GPC6: variants seen among roughly 807,000 people sequenced by gnomAD.
GPC6 encodes the protein glypican-6.
A neutral mutation model predicts 55.2 loss-of-function variants in GPC6; 14 were observed. The ratio of observed to expected loss-of-function variants is 0.25; its 90% CI spans 0.17 to 0.40. The LOEUF (loss-of-function observed/expected upper bound fraction) is 0.40. Ranked by LOEUF, GPC6 falls within the 10% of genes least tolerant of loss-of-function variation. The pLI is 1.00. For synonymous variants in GPC6, 278 were observed against 259.6 expected (o/e 1.07, Z -0.68); for missense variants, 641 against 708.5 (o/e 0.90, Z 1.08).
intron 3 of GPC6, among the ~76,000 whole-genome samples, chr13:93,933,941 G>A (rs1878303274): frequency 6.6e-6 from 1 of 152,170 alleles, no homozygotes; most frequent in African/African-American, 2.4e-5. Flanking sequence ...TCAGAAAAGG[G>A]TTTTCAAGGA....
intron 2 of GPC6, among the ~76,000 whole-genome samples, chr13:93,794,137 C>T (rs1458657242): frequency 6.6e-6 from 1 of 152,202 alleles, no homozygotes; most frequent in Non-Finnish European, 1.5e-5. Flanking sequence ...TTTCCACATT[C>T]ATTTCCAACT....
intron 4 of GPC6, among the ~76,000 whole-genome samples, chr13:94,228,443 G>GA: frequency 6.6e-6 from 1 of 152,182 alleles, no homozygotes; most frequent in East Asian, 1.9e-4. Context: ...GACCTCATCT[G>GA]AAAAATAACT....
At chr13:94,154,377 T>A (rs145002957) in intron 4 of GPC6, 1 of 152,308 alleles carries the variant, frequency 6.6e-6, no homozygotes, top group African/African-American at 2.4e-5. Flanking sequence ...CCTTCACATT[T>A]ACATGGCAAA....
intron 2 of GPC6, among the ~76,000 whole-genome samples, chr13:93,797,100 T>C (rs1029293987): frequency 1.3e-5 from 1 of 74,524 alleles, no homozygotes; most frequent in Non-Finnish European, 2.8e-5. Context: ...TTTCTGTTAA[T>C]CTGGGCATTA....
intron 4 of GPC6, among the ~76,000 whole-genome samples, chr13:94,149,006 A>G (rs1887650021): frequency 6.6e-6 from 1 of 152,150 alleles, no homozygotes; most frequent in Non-Finnish European, 1.5e-5. Flanking sequence ...ACTACTTCTA[A>G]CCATTCAGTT....
intron 1 of GPC6, among the ~76,000 whole-genome samples, chr13:93,304,529 A>G (rs911902869): frequency 6.6e-6 from 1 of 152,168 alleles, no homozygotes. Flanking sequence ...GTGGCTCCAT[A>G]TGTAGACTTC....
chr13:93,446,996 G>A (rs529706751), intron 1 of GPC6, among the ~76,000 whole-genome samples: 1 of 152,028 alleles, frequency 6.6e-6, no homozygotes, highest in East Asian at 1.9e-4. Flanking sequence ...GCTGTGTCAG[G>A]TTCTCTGGTT....
At chr13:93,747,240 C>T (rs1884426807) in intron 2 of GPC6, among the ~76,000 whole-genome samples, 2 of 152,158 alleles carry the variant, frequency 1.3e-5, no homozygotes, top group South Asian at 4.1e-4. Flanking sequence ...GCCTTTGCCA[C>T]TATCAGCAGT....
intron 6 of GPC6, among the ~76,000 whole-genome samples, chr13:94,368,580 T>C (rs1879390775): frequency 1.3e-5 from 2 of 152,116 alleles, no homozygotes; most frequent in Admixed American, 1.3e-4. Context: ...AAAGCCATTA[T>C]CAGAAGATAT....
At chr13:93,525,382 C>T (rs1344025003) in intron 1 of GPC6, among the ~76,000 whole-genome samples, 1 of 151,956 alleles carries the variant, frequency 6.6e-6, no homozygotes, top group Non-Finnish European at 1.5e-5. Flanking sequence ...ACCCAATTGT[C>T]TAAGAGCATG....
At chr13:93,419,850 A>G (rs1399602037) in intron 1 of GPC6, among the ~76,000 whole-genome samples, 5 of 152,162 alleles carry the variant, frequency 3.3e-5, no homozygotes, top group Admixed American at 1.3e-4. Flanking sequence ...TTAAATATAA[A>G]TACAAGCAGA....
intron 6 of GPC6, among the ~76,000 whole-genome samples, chr13:94,356,532 G>T (rs937043674): frequency 6.6e-6 from 1 of 152,206 alleles, no homozygotes; most frequent in African/African-American, 2.4e-5. Context: ...GATGTTTGAT[G>T]AATGAACAAA....
intron 1 of GPC6, among the ~76,000 whole-genome samples, chr13:93,333,118 T>A (rs1314391059): frequency 6.6e-6 from 1 of 152,228 alleles, no homozygotes; most frequent in African/African-American, 2.4e-5. Context: ...GTAGTATATT[T>A]CGAATTCAGG....
Position 94,212,521 on chromosome 13 carries a change from G to A in GPC6, c.878-73828G>A, listed in dbSNP as rs1890110459. Among the ~76,000 whole-genome samples the A allele has an allele frequency of 2.0e-5, 3 of 152,272 alleles. No individual in the cohort carries two copies. In the South Asian group the frequency reaches 6.2e-4, roughly 32 times the overall value. ...ATTACCTAAAGGACATGGAATCACT[G>A]GGGGCATGTAACATTTAAAATTATT... On this transcript the variant is annotated intron_variant, in intron 4 of 8. Transcript: ENST00000377047.
chr13:94,379,934 C>A (rs756852348), intron 6 of GPC6, among the ~76,000 whole-genome samples: 1 of 152,128 alleles, frequency 6.6e-6, no homozygotes, highest in Non-Finnish European at 1.5e-5. Context: ...GAGGGCATAG[C>A]GCAGCGCAGA....
intron 5 of GPC6, among the ~76,000 whole-genome samples, chr13:94,295,323 G>A (rs1459345268): frequency 2.0e-5 from 3 of 152,082 alleles, no homozygotes; most frequent in African/African-American, 7.2e-5. Context: ...CACTCCCAAA[G>A]GCTAAGCATT....
chr13:94,185,663 G>C (rs1047824959), intron 4 of GPC6, among the ~76,000 whole-genome samples: 13 of 152,062 alleles, frequency 8.5e-5, no homozygotes, highest in Non-Finnish European at 1.8e-4. Context: ...CAGTCTATGA[G>C]GAGGTCTTCT....
chr13:94,256,596 A>G (rs941208197), intron 4 of GPC6, among the ~76,000 whole-genome samples: 1 of 152,118 alleles, frequency 6.6e-6, no homozygotes, highest in African/African-American at 2.4e-5. Flanking sequence ...CAGGCACTAC[A>G]TTCTCCAGGA....
chr13:93,719,683 C>T (rs752691331), intron 2 of GPC6, among the ~76,000 whole-genome samples: 3 of 152,044 alleles, frequency 2.0e-5, no homozygotes, highest in Admixed American at 1.3e-4. Flanking sequence ...GGAATGCTTC[C>T]AGCTTTTCCC....
Sources: allele counts gnomAD v4.1 joint callset (sites outside exome capture counted in the v4.1 genomes callset), GRCh38; gene constraint gnomAD v4.1.1; transcripts MANE v1.5; gene names NCBI Gene and HGNC (gene_info 2026-07-23, HGNC 2026-07-21).